The following SLC14A2 variants were observed in gnomAD, a reference collection of about 807,000 sequenced individuals.
SLC14A2 encodes the protein solute carrier family 14 member 2.
SLC14A2 carries 91 observed loss-of-function variants against 104.6 expected under a neutral mutation model. The observed-to-expected ratio is 0.87, with a 90% CI of 0.73 to 1.04. The LOEUF is 1.04. Ranked by LOEUF, SLC14A2 falls within the 50% of genes least tolerant of loss-of-function variation. The probability of loss-of-function intolerance (pLI) is 0.00; values close to 1 mark genes in which losing one functional copy is unlikely to be tolerated. For missense variants in SLC14A2, 1,189 were observed against 1,156.0 expected (o/e 1.03, Z -0.41); for synonymous variants, 476 against 466.4 (o/e 1.02, Z -0.27).
chr18:45,234,332 T>C (rs1210527634), intron 1 of SLC14A2, among the ~76,000 whole-genome samples: 1 of 152,218 alleles, frequency 6.6e-6, no homozygotes, highest in Non-Finnish European at 1.5e-5. Flanking sequence ...TCAATGCATA[T>C]AGTCTTAGAG....
At chr18:45,472,723 G>A (rs1417832132) in intron 1 of SLC14A2, among the ~76,000 whole-genome samples, 3 of 152,074 alleles carry the variant, frequency 2.0e-5, no homozygotes, top group Admixed American at 1.3e-4. Flanking sequence ...TGATGGGGTT[G>A]TGTGTTTTTT....
upstream of SLC14A2, among the ~76,000 whole-genome samples, chr18:45,612,726 T>C (rs2044992466): frequency 1.3e-5 from 2 of 152,202 alleles, no homozygotes; most frequent in African/African-American, 4.8e-5. Flanking sequence ...CAAATATCGT[T>C]TGGAATTTTA....
At chr18:45,259,802 A>G (rs1423986416) in intron 1 of SLC14A2, among the ~76,000 whole-genome samples, 3 of 152,226 alleles carry the variant, frequency 2.0e-5, no homozygotes, top group Non-Finnish European at 2.9e-5. Context: ...CTCTGAAGGT[A>G]TATTCTTGGA....
chr18:45,498,985 CA>C (rs1420898952), intron 2 of SLC14A2, among the ~76,000 whole-genome samples: 1 of 152,178 alleles, frequency 6.6e-6, no homozygotes, highest in East Asian at 1.9e-4. Flanking sequence ...TCACTGTAAC[CA>C]TTACTTGGAC....
At chr18:45,432,773 A>G (rs1465433791) in intron 1 of SLC14A2, among the ~76,000 whole-genome samples, 1 of 152,160 alleles carries the variant, frequency 6.6e-6, no homozygotes, top group Non-Finnish European at 1.5e-5. Context: ...ATGTGATCCT[A>G]AGATAGGATT....
intron 1 of SLC14A2, among the ~76,000 whole-genome samples, chr18:45,374,218 C>T (rs147264378): frequency 2.4e-4 from 36 of 152,328 alleles, no homozygotes; most frequent in African/African-American, 7.9e-4. Flanking sequence ...AGCCTTGTCT[C>T]CATGCTGTCC....
At chr18:45,345,595 C>A (rs981385885) in intron 1 of SLC14A2, among the ~76,000 whole-genome samples, 1 of 152,190 alleles carries the variant, frequency 6.6e-6, no homozygotes, top group Non-Finnish European at 1.5e-5. Flanking sequence ...TAAGCATGAT[C>A]CTTGTGCATC....
intron 1 of SLC14A2, among the ~76,000 whole-genome samples, chr18:45,397,147 G>T (rs1412694723): frequency 6.6e-6 from 1 of 152,072 alleles, no homozygotes; most frequent in Non-Finnish European, 1.5e-5. Flanking sequence ...TGACTTTATG[G>T]CAGAATGATT....
chr18:45,326,065 A>G (rs931042701), intron 1 of SLC14A2, among the ~76,000 whole-genome samples: 1 of 152,164 alleles, frequency 6.6e-6, no homozygotes, highest in Non-Finnish European at 1.5e-5. Flanking sequence ...ATTCACACCC[A>G]CCCAGGCCTC....
the SLC14A2 span, among the ~76,000 whole-genome samples, chr18:45,207,914 C>A: frequency 6.6e-6 from 1 of 152,094 alleles, no homozygotes; most frequent in African/African-American, 2.4e-5. Context: ...CCCACAGTAA[C>A]CCTATGAGTT....
At chr18:45,245,387 T>C (rs1259747243) in intron 1 of SLC14A2, among the ~76,000 whole-genome samples, 1 of 152,260 alleles carries the variant, frequency 6.6e-6, no homozygotes, top group Non-Finnish European at 1.5e-5. Context: ...CTGCTCATTC[T>C]TGTCTCTTAT....
At chr18:45,356,527 C>T (rs1014610843) in intron 1 of SLC14A2, among the ~76,000 whole-genome samples, 1 of 152,102 alleles carries the variant, frequency 6.6e-6, no homozygotes, top group Non-Finnish European at 1.5e-5. Context: ...TAATGAGATA[C>T]GGGAAACGAT....
intron 1 of SLC14A2, among the ~76,000 whole-genome samples, chr18:45,420,748 A>T (rs2446788): frequency 0.95 from 143,004 of 150,194 alleles, 68,105 homozygotes; most frequent in Non-Finnish European, 0.98. Flanking sequence ...TATTATTATT[A>T]TTTTTTTTTT....
At chr18:45,626,711 C>T (rs1763474950) in intron 3 of SLC14A2, among the ~76,000 whole-genome samples, 1 of 152,014 alleles carries the variant, frequency 6.6e-6, no homozygotes, top group Non-Finnish European at 1.5e-5. Context: ...TTGTTCTCAG[C>T]ATGGTGCCTC....
At chr18:45,336,395 TTAA>T (rs2085338207) in intron 1 of SLC14A2, among the ~76,000 whole-genome samples, 1 of 151,904 alleles carries the variant, frequency 6.6e-6, no homozygotes, top group South Asian at 2.1e-4. Context: ...CCTGCCATAG[TTAA>T]TAATTCTGCA....
upstream of SLC14A2, among the ~76,000 whole-genome samples, chr18:45,208,560 G>A (rs1483114317): frequency 6.6e-6 from 1 of 152,188 alleles, no homozygotes; most frequent in Non-Finnish European, 1.5e-5. Context: ...TTAAAGGCAG[G>A]GGACTCAGGA....
chr18:45,508,489 G>A (rs2043317889), intron 2 of SLC14A2, among the ~76,000 whole-genome samples: 1 of 152,164 alleles, frequency 6.6e-6, no homozygotes, highest in Admixed American at 6.5e-5. Context: ...TTCACCTTCT[G>A]CCATGATCGT....
In SLC14A2 at chr18:45,366,661, A is replaced by T. The variant is rs182701666; in HGVS notation, c.-124-116572A>T. On this transcript the variant is annotated intron_variant, in intron 1 of 20. Coordinates refer to the SLC14A2 transcript ENST00000586448. ...CCAGCTACAGCCTTCTGCCTAGGAC[A>T]TACCTCTGCCCCACCAGGACCCATG... is the stretch of plus-strand genomic sequence containing the variant. Among the ~76,000 whole-genome samples, 244 of 152,256 alleles carry T rather than the reference A, an allele frequency of 1.6e-3. 4 individuals are homozygous for T. The highest frequency in any genetic ancestry group is 6.2e-4 in the South Asian group (3 of 4,816).
chr18:45,467,211 C>T (rs1261474403), intron 1 of SLC14A2, among the ~76,000 whole-genome samples: 2 of 152,184 alleles, frequency 1.3e-5, no homozygotes, highest in Non-Finnish European at 2.9e-5. Context: ...CAAACTGGCT[C>T]CAGCAGTAGA....
Sources: allele counts gnomAD v4.1 joint callset (sites outside exome capture counted in the v4.1 genomes callset), GRCh38; gene constraint gnomAD v4.1.1; transcripts MANE v1.5; gene names NCBI Gene and HGNC (gene_info 2026-07-23, HGNC 2026-07-21).